Variants in LRRC56 observed in about 807,000 individuals in gnomAD.
LRRC56 encodes the protein leucine rich repeat containing 56.
LRRC56 carries 41 observed loss-of-function variants against 47.8 expected under a neutral mutation model. That is an observed-to-expected ratio of 0.86 (90% CI 0.67 to 1.11). The LOEUF (loss-of-function observed/expected upper bound fraction) is 1.11. Among genes scored for constraint, LRRC56 ranks in the 50% most tolerant of loss-of-function variants. LRRC56 has a pLI of 0.00. For synonymous variants in LRRC56, 387 were observed against 311.2 expected (o/e 1.24, Z -2.56); for missense variants, 759 against 704.2 (o/e 1.08, Z -0.88).
At chr11:530,690 G>C in the LRRC56 span, among the ~76,000 whole-genome samples, 11 of 50,314 alleles carry the variant, frequency 2.2e-4, no homozygotes, top group East Asian at 2.9e-3. Context: ...GTCCCCTGGA[G>C]AGAAGGGGGA....
the LRRC56 span, among the ~76,000 whole-genome samples, chr11:515,058 C>A: frequency 6.6e-6 from 1 of 152,126 alleles, no homozygotes; most frequent in African/African-American, 2.4e-5. Flanking sequence ...ATTCTTTTTT[C>A]TTTTCATTGA....
At chr11:533,539 C>T (rs1851244921), upstream of LRRC56, 1 of 1,613,866 alleles carries the variant, frequency 6.2e-7, no homozygotes, top group Non-Finnish European at 8.5e-7. Context: ...ACAGTGCGTG[C>T]AGCCAGGTCA....
rs774938430 is a variant in LRRC56, at chr11:554,288, C to T, written c.*12C>T. 6.8e-7 allele frequency: 1 copy of T among 1,476,598 alleles called. No homozygotes were observed. The highest frequency in any genetic ancestry group is 1.4e-5 in the South Asian group (1 of 72,766). The allele number at this position is 1,476,598 out of a possible 1,614,324, so 91.5% of individuals were successfully genotyped here. On this transcript the variant is annotated 3_prime_UTR_variant, in exon 14 of 14. Coordinates refer to ENST00000270115, the MANE Select transcript of LRRC56 (RefSeq NM_198075.4). ...CCGTCCCCACTTAATATAGCCCCCACTGCCAGGCTTCCCTGTGCTGGGGCC... is the reference window on the plus strand; with the variant it reads ...CCGTCCCCACTTAATATAGCCCCCATTGCCAGGCTTCCCTGTGCTGGGGCC...
intron 13 of LRRC56, among the ~76,000 whole-genome samples, chr11:553,168 C>G (rs552124745): frequency 6.6e-6 from 1 of 152,294 alleles, no homozygotes; most frequent in Non-Finnish European, 1.5e-5. Context: ...AGATGGCACG[C>G]GCACTTGGGG....
chr11:547,513 C>A (rs1353577136), intron 6 of LRRC56, among the ~76,000 whole-genome samples: 1 of 151,640 alleles, frequency 6.6e-6, no homozygotes, highest in Non-Finnish European at 1.5e-5. Flanking sequence ...CCACCACGCC[C>A]GGCTAATTTT....
At chr11:546,584 A>C (rs908665659) in intron 6 of LRRC56, among the ~76,000 whole-genome samples, 2 of 151,554 alleles carry the variant, frequency 1.3e-5, no homozygotes, top group Non-Finnish European at 2.9e-5. Flanking sequence ...AAAAAAATAC[A>C]TGAAGATCTG....
intron 5 of LRRC56, among the ~76,000 whole-genome samples, chr11:542,170 C>T (rs1302072117): frequency 7.0e-6 from 1 of 142,734 alleles, no homozygotes; most frequent in East Asian, 2.1e-4. Context: ...CACACACCCA[C>T]GCCAGTACCC....
rs758379314 is a variant in LRRC56, at chr11:552,584, GCACC to G, written c.1199_1202del (p.His400ArgfsTer9). 6.2e-7 allele frequency: 1 copy of G among 1,605,964 alleles called. No homozygotes were observed. The highest frequency in any genetic ancestry group is 8.5e-7 in the Non-Finnish European group (1 of 1,176,818). Reference sequence around the variant, plus strand: ...CCCACCCTAGCCCCCTCCCCTATAGGCACCCGGAGTCCCAACAGGAAGGGGCTGT... The same window carrying G: ...CCCACCCTAGCCCCCTCCCCTATAGGCGGAGTCCCAACAGGAAGGGGCTGT... On this transcript the variant is annotated frameshift_variant, in exon 13 of 14. Transcript: ENST00000270115. LOFTEE classifies it high-confidence loss of function.
Position 541,712 on chromosome 11 carries a change from T to C in LRRC56, c.265+88T>C, listed in dbSNP as rs532287497. ...CGTTTCCTGGTTATGACGACAAAGC[T>C]GTCCTCACCTCTCGGGCCGCGTATC... On this transcript the variant is annotated intron_variant, in intron 5 of 13. Transcript: ENST00000270115. The surrounding 1 kb of genome is among the most constrained non-coding windows in gnomAD (Gnocchi z 4.1). The C allele has an allele frequency of 6.0e-6, 5 of 833,180 alleles. No homozygotes were observed. Among genetic ancestry groups the C allele is most frequent in the Non-Finnish European group, 9.2e-6 (5 of 541,260 alleles). The allele number at this position is 833,180 out of a possible 1,614,324, so 51.6% of individuals were successfully genotyped here. A position where few individuals can be genotyped will look rare whatever the true frequency, so the allele number is the denominator to read the frequency against.
the LRRC56 span, among the ~76,000 whole-genome samples, chr11:508,423 C>T: frequency 6.6e-6 from 1 of 152,230 alleles, no homozygotes; most frequent in African/African-American, 2.4e-5. Flanking sequence ...CCTCCCATAT[C>T]GCTGGAATTA....
At chr11:538,403 G>T (rs1851627330) in intron 1 of LRRC56, among the ~76,000 whole-genome samples, 195 bp from the exon 2 acceptor site, 1 of 152,314 alleles carries the variant, frequency 6.6e-6, no homozygotes, top group East Asian at 1.9e-4. Context: ...CTGCTGTGAG[G>T]CCTGGGGCCT....
the LRRC56 span, among the ~76,000 whole-genome samples, chr11:530,383 G>A: frequency 6.6e-6 from 1 of 152,230 alleles, no homozygotes; most frequent in Non-Finnish European, 1.5e-5. Context: ...TATCGATGGG[G>A]AAGCTGGTCA....
the LRRC56 span, among the ~76,000 whole-genome samples, chr11:525,328 A>C: frequency 6.6e-6 from 1 of 151,912 alleles, no homozygotes; most frequent in Non-Finnish European, 1.5e-5. Context: ...TCACGAGGTC[A>C]GGAGATCGAG....
chr11:520,446 G>A, the LRRC56 span, among the ~76,000 whole-genome samples: 8 of 151,848 alleles, frequency 5.3e-5, no homozygotes, highest in African/African-American at 4.8e-5. Context: ...TCAGCCTCCC[G>A]AGTAGCTGGG....
the LRRC56 span, among the ~76,000 whole-genome samples, chr11:516,892 G>A: frequency 5.9e-5 from 9 of 152,020 alleles, no homozygotes; most frequent in Non-Finnish European, 8.8e-5. Context: ...CTCTGTTGCC[G>A]AGGCTGGACT....
intron 2 of LRRC56, 28 bp from the exon 3 acceptor site, chr11:539,550 ATT>A (rs5789201): frequency 0.1 from 13,164 of 129,326 alleles, 675 homozygotes; most frequent in African/African-American, 0.16. Context: ...ACGCCAGCTA[ATT>A]TTTTTTTTTT....
rs772558927 is a variant in LRRC56, at chr11:554,044, C to T, written c.1397C>T (p.Pro466Leu). The change falls in exon 14 of 14, where the codon CCG becomes CTG. Residue 466 changes from proline to leucine, a missense_variant. Physicochemically the swap from Pro to Leu is moderately conservative, Grantham distance 98. Transcript: ENST00000270115. ...CCACGAGATTCTGGCAGCAGCTCCC[C>T]GCGGTGGTCGACAGACCTGCAGTCC... ...PRPRDSGSSS[P>L]RWSTDLQSRG... The T allele has an allele frequency of 8.7e-5, 140 of 1,611,824 alleles. No individual in the cohort carries two copies. The highest frequency in any genetic ancestry group is 3.3e-4 in the Middle Eastern group (2 of 6,078).
chr11:539,292 A>G (rs112892504), intron 2 of LRRC56, among the ~76,000 whole-genome samples: 4,075 of 150,772 alleles, frequency 0.027, 75 homozygotes, highest in Non-Finnish European at 0.044. Flanking sequence ...TCACCTCGTT[A>G]GCCAGGATGG....
At chr11:542,645 C>A (rs66707206) in intron 5 of LRRC56, among the ~76,000 whole-genome samples, 1 of 149,980 alleles carries the variant, frequency 6.7e-6, no homozygotes, top group Non-Finnish European at 1.5e-5. Context: ...TCTCTTTCGC[C>A]GTGTTCACGG....
Sources: allele counts gnomAD v4.1 joint callset (sites outside exome capture counted in the v4.1 genomes callset), GRCh38; gene constraint gnomAD v4.1.1; non-coding constraint Gnocchi (gnomAD v3.1); transcripts MANE v1.5; gene names NCBI Gene and HGNC (gene_info 2026-07-23, HGNC 2026-07-21).